PAK5: variants seen among roughly 807,000 people sequenced by gnomAD.
PAK5 encodes p21 (RAC1) activated kinase 5, also known as serine/threonine-protein kinase PAK 5.
A neutral mutation model predicts 65.9 loss-of-function variants in PAK5; 16 were observed. That is an observed-to-expected ratio of 0.24 (90% CI 0.16 to 0.37). The LOEUF (loss-of-function observed/expected upper bound fraction) is 0.37, where lower values mean the gene tolerates loss of function less well. PAK5 is among the 10% of genes least tolerant of loss of function. The probability of loss-of-function intolerance (pLI) is 1.00; values close to 1 mark genes in which losing one functional copy is unlikely to be tolerated. For missense variants in PAK5, 785 were observed against 903.9 expected, an observed-to-expected ratio of 0.87 and a Z score of 1.69; for synonymous variants, 371 against 354.9, an observed-to-expected ratio of 1.05 and a Z score of -0.51.
intron 2 of PAK5, among the ~76,000 whole-genome samples, chr20:9,673,363 CT>C (rs1045801958): frequency 6.6e-6 from 1 of 152,090 alleles, no homozygotes; most frequent in African/African-American, 2.4e-5. Flanking sequence ...TCCAAGAGAA[CT>C]TTTTTCAAAT....
intron 2 of PAK5, among the ~76,000 whole-genome samples, chr20:9,675,348 G>A (rs151110470): frequency 4.6e-5 from 7 of 152,236 alleles, no homozygotes; most frequent in Non-Finnish European, 8.8e-5. Flanking sequence ...CATACAGCTT[G>A]GGGGTGACAA....
chr20:9,709,809 G>C (rs193016459), intron 2 of PAK5, among the ~76,000 whole-genome samples: 3 of 152,092 alleles, frequency 2.0e-5, no homozygotes, highest in African/African-American at 4.8e-5. Context: ...AGACTTGAGG[G>C]TTGTCCACCC....
At chr20:9,580,119 G>A in intron 4 of PAK5, 26 bp downstream of exon 4, 1 of 1,578,464 alleles carries the variant, frequency 6.3e-7, no homozygotes, top group Non-Finnish European at 8.6e-7. Context: ...TTGCACACGT[G>A]AGGGAAAGGA....
chr20:9,604,954 T>C (rs1307277177), intron 3 of PAK5, among the ~76,000 whole-genome samples: 1 of 152,174 alleles, frequency 6.6e-6, no homozygotes, highest in East Asian at 1.9e-4. Flanking sequence ...AGTGTTCTAA[T>C]TTGGGTTCCC....
At chr20:9,729,890 T>C (rs1324001157) in intron 1 of PAK5, among the ~76,000 whole-genome samples, 2 of 151,430 alleles carry the variant, frequency 1.3e-5, no homozygotes, top group Admixed American at 6.6e-5. Context: ...TGTGTGCCTG[T>C]AGTCCCAGCT....
chr20:9,579,181 T>C (rs1173890292), intron 4 of PAK5, among the ~76,000 whole-genome samples: 1 of 152,182 alleles, frequency 6.6e-6, no homozygotes, highest in Non-Finnish European at 1.5e-5. Flanking sequence ...AAGAGTTTGG[T>C]ATAAATAAAG....
chr20:9,772,058 T>C (rs546149032), intron 1 of PAK5, among the ~76,000 whole-genome samples: 9 of 152,138 alleles, frequency 5.9e-5, no homozygotes, highest in Non-Finnish European at 1.3e-4. Flanking sequence ...AAAACAAAAA[T>C]AAATTATTAC....
At chr20:9,784,910 A>T (rs1439082302) in intron 1 of PAK5, among the ~76,000 whole-genome samples, 4 of 152,182 alleles carry the variant, frequency 2.6e-5, no homozygotes. Flanking sequence ...ATAGGTGGAT[A>T]AAGTGTGTAT....
intron 1 of PAK5, among the ~76,000 whole-genome samples, chr20:9,821,528 C>A (rs975827823): frequency 1.3e-5 from 2 of 152,076 alleles, no homozygotes; most frequent in African/African-American, 2.4e-5. Flanking sequence ...AACTTTGGAT[C>A]CCCCTCTTGC....
At chr20:9,597,339 G>T (rs1441616667) in intron 3 of PAK5, among the ~76,000 whole-genome samples, 2 of 152,186 alleles carry the variant, frequency 1.3e-5, no homozygotes, top group Non-Finnish European at 2.9e-5. Flanking sequence ...AATCTGATAG[G>T]TGCTTACCTA....
chr20:9,731,267 A>G (rs904402295), intron 1 of PAK5, among the ~76,000 whole-genome samples: 1 of 152,250 alleles, frequency 6.6e-6, no homozygotes, highest in African/African-American at 2.4e-5. Context: ...ATTTTCCAGT[A>G]GCTGCATTAA....
chr20:9,782,018 C>G (rs969727426), intron 1 of PAK5, among the ~76,000 whole-genome samples: 1 of 152,140 alleles, frequency 6.6e-6, no homozygotes, highest in Non-Finnish European at 1.5e-5. Context: ...AGAGTAAAAT[C>G]TGTCTTTGCA....
intron 2 of PAK5, among the ~76,000 whole-genome samples, chr20:9,646,349 G>A (rs964824134): frequency 1.3e-5 from 2 of 152,136 alleles, no homozygotes; most frequent in Non-Finnish European, 2.9e-5. Flanking sequence ...AAAACCCATC[G>A]CATTCATTCT....
intron 1 of PAK5, among the ~76,000 whole-genome samples, chr20:9,772,399 A>T (rs943412816): frequency 6.6e-6 from 1 of 152,310 alleles, no homozygotes; most frequent in Non-Finnish European, 1.5e-5. Context: ...TCCAAGAAAG[A>T]GGGTTTTGCA....
At chr20:9,609,283 G>A (rs1397350505) in intron 3 of PAK5, among the ~76,000 whole-genome samples, 1 of 152,202 alleles carries the variant, frequency 6.6e-6, no homozygotes, top group Non-Finnish European at 1.5e-5. Context: ...AAGAGAATGA[G>A]TCAAATGAAG....
At chr20:9,685,457 T>C (rs531157945) in intron 2 of PAK5, among the ~76,000 whole-genome samples, 5 of 152,180 alleles carry the variant, frequency 3.3e-5, no homozygotes, top group African/African-American at 1.2e-4. Context: ...CAAATAATCA[T>C]GAAGAAAGAG....
intron 1 of PAK5, among the ~76,000 whole-genome samples, chr20:9,723,530 T>C (rs777757337): frequency 6.6e-6 from 1 of 152,196 alleles, no homozygotes. Context: ...GGTAACATTG[T>C]AGGTCACTCC....
At chr20:9,821,207 C>T (rs1341887756) in intron 1 of PAK5, among the ~76,000 whole-genome samples, 1 of 152,012 alleles carries the variant, frequency 6.6e-6, no homozygotes, top group Non-Finnish European at 1.5e-5. Context: ...ATGGTGAAAC[C>T]CCATCTCTAC....
At chr20:9,558,929 G>A (rs192782850) in intron 6 of PAK5, among the ~76,000 whole-genome samples, 8 of 152,286 alleles carry the variant, frequency 5.3e-5, no homozygotes, top group Admixed American at 5.2e-4. Context: ...CCAAGGTTGC[G>A]CAGCTAAGAA....
Sources: gnomAD v4.1 joint callset for allele counts (sites outside exome capture counted in the v4.1 genomes callset) on GRCh38, gnomAD v4.1.1 for gene constraint, MANE v1.5 for transcripts, NCBI Gene and HGNC (gene_info 2026-07-23, HGNC 2026-07-21) for gene names.